Variants in CR1 observed in about 807,000 individuals in gnomAD.
The protein encoded by CR1 is complement receptor type 1.
Under a neutral mutation model 187.3 loss-of-function variants are expected in CR1, and 116 were observed. That is an observed-to-expected ratio of 0.62 (90% CI 0.53 to 0.72). The LOEUF (loss-of-function observed/expected upper bound fraction) is 0.72. CR1 is among the 30% of genes least tolerant of loss of function. CR1 has a pLI of 0.00. For synonymous variants in CR1, 576 were observed against 747.1 expected, an observed-to-expected ratio of 0.77 and a Z score of 3.73; for missense variants, 1,731 against 2,110.7, an observed-to-expected ratio of 0.82 and a Z score of 3.52.
chr1:207,631,428 G>A (rs978557289), intron 46 of CR1, among the ~76,000 whole-genome samples: 2 of 152,162 alleles, frequency 1.3e-5, no homozygotes, highest in Non-Finnish European at 2.9e-5. Context: ...GAGCTGAGTA[G>A]TTGCAACAGA....
At chr1:207,616,908 G>A in intron 41 of CR1, 106 bp downstream of exon 41, 2 of 1,470,524 alleles carry the variant, frequency 1.4e-6, no homozygotes, top group South Asian at 1.4e-5. Flanking sequence ...TGGCTTTGCT[G>A]TAACTGTCAG....
intron 25 of CR1, among the ~76,000 whole-genome samples, chr1:207,568,266 A>G (rs1384594662): frequency 1.4e-5 from 2 of 139,806 alleles, no homozygotes. Context: ...GAGTGGTGGG[A>G]AAGTCCTTCA....
At chr1:207,510,222 A>G (rs552955519) in intron 3 of CR1, among the ~76,000 whole-genome samples, 1 of 152,260 alleles carries the variant, frequency 6.6e-6, no homozygotes, top group South Asian at 2.1e-4. Context: ...AAAAAGAACA[A>G]CAACAACAGC....
At chr1:207,605,201 A>G (rs1380502862) in intron 35 of CR1, among the ~76,000 whole-genome samples, 1 of 151,164 alleles carries the variant, frequency 6.6e-6, no homozygotes, top group Non-Finnish European at 1.5e-5. Flanking sequence ...CAGAGGTTGC[A>G]GTAAGCCAAG....
chr1:207,623,443 C>T (rs542392857), intron 45 of CR1, among the ~76,000 whole-genome samples: 2 of 151,930 alleles, frequency 1.3e-5, no homozygotes, highest in South Asian at 2.1e-4. Flanking sequence ...ATTAGCTGGG[C>T]GAGGTGGGAC....
At chr1:207,525,057 GGAGA>G (rs137880306) in intron 5 of CR1, among the ~76,000 whole-genome samples, 1 of 151,304 alleles carries the variant, frequency 6.6e-6, no homozygotes, top group Non-Finnish European at 1.5e-5. Context: ...ATGCTTGGCA[GGAGA>G]GAGAGAGAGA....
intron 1 of CR1, among the ~76,000 whole-genome samples, chr1:207,505,263 C>T (rs1659391472): frequency 6.6e-6 from 1 of 152,144 alleles, no homozygotes; most frequent in African/African-American, 2.4e-5. Flanking sequence ...AAGCAATTCT[C>T]CTGCCTCAGC....
chr1:207,625,073 G>C (rs1263957815), intron 45 of CR1, among the ~76,000 whole-genome samples: 1 of 152,140 alleles, frequency 6.6e-6, no homozygotes, highest in Non-Finnish European at 1.5e-5. Context: ...CTATTGATTT[G>C]TTTCACCTAC....
chr1:207,499,974 T>G (rs980699234), intron 1 of CR1, among the ~76,000 whole-genome samples: 2 of 152,152 alleles, frequency 1.3e-5, no homozygotes, highest in African/African-American at 4.8e-5. Context: ...ACAATCCCTC[T>G]CACCCTCTCC....
rs187015248 is a variant in CR1, at chr1:207,633,150, G to T, written c.7457+2529G>T. Among the ~76,000 whole-genome samples, 33 of 152,226 alleles carry T rather than the reference G, an allele frequency of 2.2e-4. No homozygotes were observed. In the East Asian group the frequency reaches 6.0e-3, roughly 28 times the overall value. On this transcript the variant is annotated intron_variant, in intron 46 of 46. Coordinates refer to ENST00000367049, the MANE Select transcript of CR1 (RefSeq NM_000651.6). ...TTTCTATCTAAATTCCCTGAACCCA[G>T]CTCCAGCTCTGAATTCAATCAACCA...
chr1:207,577,672 AG>A (rs1319070112), intron 28 of CR1, 132 bp from the exon 29 acceptor site: 1 of 1,389,190 alleles, frequency 7.2e-7, no homozygotes, highest in Non-Finnish European at 9.9e-7. Flanking sequence ...CGGGAGGTTG[AG>A]GTGGGAGGAT....
At chr1:207,501,114 C>T (rs1659253248) in intron 1 of CR1, among the ~76,000 whole-genome samples, 1 of 152,016 alleles carries the variant, frequency 6.6e-6, no homozygotes, top group South Asian at 2.1e-4. Context: ...GAGAAAACCA[C>T]CTGAGTTATT....
chr1:207,513,838 A>G (rs2102292203), intron 4 of CR1, among the ~76,000 whole-genome samples: 1 of 139,038 alleles, frequency 7.2e-6, no homozygotes, highest in South Asian at 2.2e-4. Flanking sequence ...CTTCTTTACC[A>G]CGCTGGCTAG....
At chr1:207,506,863 A>G (rs1478389751) in intron 3 of CR1, 50 bp downstream of exon 3, 1 of 1,440,028 alleles carries the variant, frequency 6.9e-7, no homozygotes, top group Admixed American at 1.7e-5. Context: ...GAGTTCTAAC[A>G]CAGCCTTACT....
intron 27 of CR1, among the ~76,000 whole-genome samples, chr1:207,573,186 C>A (rs1329428660): frequency 1.3e-5 from 2 of 152,064 alleles, no homozygotes; most frequent in African/African-American, 4.8e-5. Context: ...CCTTGCTCAG[C>A]ACACGGTGGA....
chr1:207,617,180 G>A (rs1300105751), intron 41 of CR1, among the ~76,000 whole-genome samples: 4 of 151,998 alleles, frequency 2.6e-5, no homozygotes, highest in East Asian at 1.9e-4. Context: ...AGATGGATGT[G>A]CTGTGCAAAA....
intron 32 of CR1, among the ~76,000 whole-genome samples, chr1:207,582,654 G>T (rs1279513206): frequency 7.9e-5 from 12 of 152,212 alleles, no homozygotes; most frequent in Non-Finnish European, 1.6e-4. Context: ...ATGGGAGGCT[G>T]TTGCAGCAAT....
intron 1 of CR1, among the ~76,000 whole-genome samples, chr1:207,498,407 T>C (rs1338050456): frequency 6.6e-6 from 1 of 152,212 alleles, no homozygotes; most frequent in Non-Finnish European, 1.5e-5. Context: ...ATTGTTTTGT[T>C]ATTATGAGTT....
intron 24 of CR1, among the ~76,000 whole-genome samples, chr1:207,567,544 T>C (rs373211520): frequency 1.3e-5 from 2 of 150,382 alleles, no homozygotes; most frequent in South Asian, 2.1e-4. Context: ...TTCAAAATGG[T>C]TATTTTTCTT....
Sources: gnomAD v4.1 joint callset for allele counts (sites outside exome capture counted in the v4.1 genomes callset) on GRCh38, gnomAD v4.1.1 for gene constraint, MANE v1.5 for transcripts, NCBI Gene and HGNC (gene_info 2026-07-23, HGNC 2026-07-21) for gene names.